ZMYND11: variants seen among roughly 807,000 people sequenced by gnomAD.
ZMYND11 encodes the protein zinc finger MYND domain-containing protein 11.
In ZMYND11, 9 loss-of-function variants were observed where a neutral mutation model predicts 84.9. The observed-to-expected ratio is 0.11, with a 90% CI of 0.06 to 0.18. ZMYND11 has a LOEUF of 0.18. Ranked by LOEUF, ZMYND11 falls within the 10% of genes least tolerant of loss-of-function variation. The pLI is 1.00. For synonymous variants in ZMYND11, 250 were observed against 244.1 expected, an observed-to-expected ratio of 1.02 and a Z score of -0.23; for missense variants, 409 against 761.0, an observed-to-expected ratio of 0.54 and a Z score of 5.44.
At chr10:197,611 C>T (rs1323567263) in intron 2 of ZMYND11, among the ~76,000 whole-genome samples, 2 of 152,122 alleles carry the variant, frequency 1.3e-5, no homozygotes. Context: ...TAGTAATGTC[C>T]ATAAAGCAAA....
chr10:226,715 C>A (rs1235352903), intron 4 of ZMYND11, among the ~76,000 whole-genome samples: 1 of 152,008 alleles, frequency 6.6e-6, no homozygotes, highest in Non-Finnish European at 1.5e-5. Context: ...ATACTTGGCC[C>A]GCTGAAATGG....
At chr10:139,702 TC>T (rs1837024340) in intron 1 of ZMYND11, among the ~76,000 whole-genome samples, 2 of 132,782 alleles carry the variant, frequency 1.5e-5, no homozygotes, top group African/African-American at 5.4e-5. Flanking sequence ...TTACACATGG[TC>T]CTTTTTTTTT....
upstream of ZMYND11, among the ~76,000 whole-genome samples, chr10:132,393 CA>C (rs1308714427): frequency 1.3e-5 from 2 of 151,694 alleles, no homozygotes; most frequent in African/African-American, 4.8e-5. Flanking sequence ...CTCACTTCAG[CA>C]TCTGTCTCTT....
intron 10 of ZMYND11, among the ~76,000 whole-genome samples, chr10:245,873 C>T (rs1210978328): frequency 2.0e-5 from 3 of 152,108 alleles, no homozygotes; most frequent in Admixed American, 6.6e-5. Context: ...TCAGAAGACC[C>T]GAGAGATTCC....
chr10:191,826 A>G (rs931707076), intron 2 of ZMYND11, among the ~76,000 whole-genome samples: 1 of 152,108 alleles, frequency 6.6e-6, no homozygotes, highest in African/African-American at 2.4e-5. Context: ...GCATCATTCA[A>G]CCTTTTTCCA....
chr10:145,212 A>G (rs903460990), intron 1 of ZMYND11, among the ~76,000 whole-genome samples: 2 of 143,306 alleles, frequency 1.4e-5, no homozygotes, highest in African/African-American at 2.5e-5. Context: ...GTGTATATAT[A>G]TGTATATATG....
chr10:230,196 C>T (rs1000996682), intron 4 of ZMYND11, among the ~76,000 whole-genome samples: 4 of 152,050 alleles, frequency 2.6e-5, no homozygotes, highest in South Asian at 2.1e-4. Flanking sequence ...AGTCTCCTAC[C>T]GAGCGCGGTA....
chr10:194,714 A>C (rs1799723678), intron 2 of ZMYND11, among the ~76,000 whole-genome samples: 1 of 152,074 alleles, frequency 6.6e-6, no homozygotes, highest in African/African-American at 2.4e-5. Flanking sequence ...TTCTTTCACA[A>C]AGTATTCAAA....
chr10:150,594 C>A (rs1041918820), intron 1 of ZMYND11, among the ~76,000 whole-genome samples: 1 of 152,146 alleles, frequency 6.6e-6, no homozygotes, highest in Admixed American at 6.5e-5. Context: ...CCTGGAGGCT[C>A]GAACTGGGTG....
At chr10:238,849 C>T (rs888326132) in intron 6 of ZMYND11, among the ~76,000 whole-genome samples, 1 of 152,174 alleles carries the variant, frequency 6.6e-6, no homozygotes. Flanking sequence ...AGAACCCAGA[C>T]GCCCCTTCTT....
At chr10:186,482 A>C (rs1938484489) in intron 2 of ZMYND11, among the ~76,000 whole-genome samples, 1 of 151,812 alleles carries the variant, frequency 6.6e-6, no homozygotes, top group Non-Finnish European at 1.5e-5. Context: ...CCCTACTAAA[A>C]ATACAAAAAT....
At chr10:220,749 T>C (rs1947014386) in intron 3 of ZMYND11, among the ~76,000 whole-genome samples, 1 of 152,218 alleles carries the variant, frequency 6.6e-6, no homozygotes, top group South Asian at 2.1e-4. Context: ...TCACCAGTTA[T>C]TACTATTCTC....
chr10:151,522 G>GTC (rs1840363536), intron 1 of ZMYND11, among the ~76,000 whole-genome samples: 2 of 152,180 alleles, frequency 1.3e-5, no homozygotes, highest in Non-Finnish European at 2.9e-5. Flanking sequence ...AGAAAAGAGA[G>GTC]TAAAAAGAAA....
At chr10:235,431 T>C (rs1256979103) in intron 4 of ZMYND11, among the ~76,000 whole-genome samples, 1 of 150,748 alleles carries the variant, frequency 6.6e-6, no homozygotes, top group South Asian at 2.1e-4. Flanking sequence ...GAAAAAAAGA[T>C]TATAAACCCA....
chr10:240,375 A>G (rs569611051), intron 8 of ZMYND11, among the ~76,000 whole-genome samples: 124 of 152,160 alleles, frequency 8.1e-4, no homozygotes, highest in Non-Finnish European at 1.3e-3. Context: ...GTGGTGGTGT[A>G]CGCCTGTAGT....
At chr10:151,036 GA>G (rs1218276291) in intron 1 of ZMYND11, among the ~76,000 whole-genome samples, 38 of 152,238 alleles carry the variant, frequency 2.5e-4, no homozygotes, top group African/African-American at 8.9e-4. Flanking sequence ...CTAACAAACA[GA>G]AAGGACATCC....
intron 1 of ZMYND11, among the ~76,000 whole-genome samples, chr10:150,203 G>T (rs1453940087): frequency 6.6e-6 from 1 of 152,136 alleles, no homozygotes; most frequent in African/African-American, 2.4e-5. Flanking sequence ...GCTCCTCCTT[G>T]TACTTCTGGT....
intron 2 of ZMYND11, among the ~76,000 whole-genome samples, chr10:183,304 C>G (rs563646460): frequency 1.3e-5 from 2 of 150,860 alleles, no homozygotes; most frequent in South Asian, 4.2e-4. Flanking sequence ...TTGCTGATTG[C>G]ATCCCTGTAG....
chr10:171,810 G>C (rs964303093), intron 1 of ZMYND11, among the ~76,000 whole-genome samples: 2 of 152,140 alleles, frequency 1.3e-5, no homozygotes, highest in African/African-American at 4.8e-5. Flanking sequence ...TTTCCATTAA[G>C]ATCAGGAACA....
Sources: allele counts gnomAD v4.1 joint callset (sites outside exome capture counted in the v4.1 genomes callset), GRCh38; gene constraint gnomAD v4.1.1; transcripts MANE v1.5; gene names NCBI Gene and HGNC (gene_info 2026-07-23, HGNC 2026-07-21).